The following PDE4D variants were observed in gnomAD, a reference collection of about 807,000 sequenced individuals.
PDE4D encodes phosphodiesterase 4D, also known as 3',5'-cyclic-AMP phosphodiesterase 4D.
In PDE4D, 24 loss-of-function variants were observed where a neutral mutation model predicts 87.4. That is an observed-to-expected ratio of 0.27 (90% CI 0.20 to 0.39). The LOEUF (loss-of-function observed/expected upper bound fraction) is 0.39, where lower values mean the gene tolerates loss of function less well. Among genes scored for constraint, PDE4D ranks in the 10% least tolerant of loss-of-function variants. PDE4D has a pLI of 1.00. For synonymous variants in PDE4D, 384 were observed against 383.2 expected (o/e 1.00, Z -0.02); for missense variants, 714 against 1,041.0 (o/e 0.69, Z 4.32).
chr5:60,001,500 G>C (rs919719666), intron 2 of PDE4D, among the ~76,000 whole-genome samples: 6 of 152,060 alleles, frequency 3.9e-5, no homozygotes, highest in African/African-American at 1.4e-4. Flanking sequence ...ATACTAATGT[G>C]ATTCTTCAAG....
chr5:59,445,830 A>T (rs1037946106), intron 1 of PDE4D, among the ~76,000 whole-genome samples: 4 of 152,308 alleles, frequency 2.6e-5, no homozygotes, highest in African/African-American at 9.6e-5. Flanking sequence ...TCTGCCTCAC[A>T]ATATAATTTC....
chr5:59,401,474 A>ATCTGTCTGTCTG (rs201224024), intron 1 of PDE4D, among the ~76,000 whole-genome samples: 1,319 of 65,986 alleles, frequency 0.02, 16 homozygotes, highest in Admixed American at 0.024. Context: ...CTATCTATCT[A>ATCTGTCTGTCTG]TCTATCTATC....
At chr5:59,631,208 C>A (rs1247589554) in intron 1 of PDE4D, among the ~76,000 whole-genome samples, 1 of 152,040 alleles carries the variant, frequency 6.6e-6, no homozygotes. Flanking sequence ...TGCCATCTTC[C>A]AGAAGAGGCA....
chr5:59,080,551 C>T (rs755855148), intron 5 of PDE4D, among the ~76,000 whole-genome samples: 1 of 152,090 alleles, frequency 6.6e-6, no homozygotes, highest in Non-Finnish European at 1.5e-5. Flanking sequence ...TCTTGCCACT[C>T]GCTACTCAAA....
At chr5:59,851,795 G>A (rs772629672) in intron 1 of PDE4D, among the ~76,000 whole-genome samples, 20 of 151,906 alleles carry the variant, frequency 1.3e-4, no homozygotes, top group Non-Finnish European at 2.6e-4. Flanking sequence ...AGAATGGCAG[G>A]TGGTCTCTAG....
At chr5:59,358,174 G>T (rs1781681519) in intron 1 of PDE4D, among the ~76,000 whole-genome samples, 1 of 152,182 alleles carries the variant, frequency 6.6e-6, no homozygotes, top group South Asian at 2.1e-4. Context: ...TCTTAAGAAT[G>T]CTACAGGTTT....
intron 1 of PDE4D, among the ~76,000 whole-genome samples, chr5:59,431,973 G>A (rs1796173612): frequency 1.3e-5 from 2 of 151,916 alleles, no homozygotes; most frequent in Non-Finnish European, 2.9e-5. Flanking sequence ...CTTTTTTATG[G>A]CTGCATAGTA....
chr5:59,496,912 A>G (rs1807322084), intron 1 of PDE4D, among the ~76,000 whole-genome samples: 1 of 152,146 alleles, frequency 6.6e-6, no homozygotes, highest in South Asian at 2.1e-4. Context: ...GGCACTTTGC[A>G]GACTTTTCCA....
chr5:59,324,434 C>G (rs963442439), intron 1 of PDE4D, among the ~76,000 whole-genome samples: 1 of 152,084 alleles, frequency 6.6e-6, no homozygotes, highest in African/African-American at 2.4e-5. Context: ...CATGAAAGTA[C>G]GATTTCCAAG....
chr5:59,368,334 TG>T (rs1783410854), intron 1 of PDE4D, among the ~76,000 whole-genome samples: 1 of 152,228 alleles, frequency 6.6e-6, no homozygotes, highest in African/African-American at 2.4e-5. Context: ...AATTGAAAAT[TG>T]GGGACTACAT....
At chr5:59,889,255 T>C (rs1413721637) in intron 1 of PDE4D, among the ~76,000 whole-genome samples, 10 of 141,034 alleles carry the variant, frequency 7.1e-5, no homozygotes, top group Admixed American at 5.7e-4. Flanking sequence ...AAAAAGCTAA[T>C]GTCAAGTAAA....
At chr5:59,888,804 T>A (rs1750530843) in intron 1 of PDE4D, among the ~76,000 whole-genome samples, 1 of 152,038 alleles carries the variant, frequency 6.6e-6, no homozygotes, top group Non-Finnish European at 1.5e-5. Flanking sequence ...ACTAATAACC[T>A]GAAAAATCAA....
chr5:59,443,514 T>C (rs1172645769), intron 1 of PDE4D, among the ~76,000 whole-genome samples: 2 of 152,180 alleles, frequency 1.3e-5, no homozygotes, highest in Non-Finnish European at 2.9e-5. Context: ...TTTCCAATAC[T>C]GGAAAATCAA....
At chr5:59,305,105 T>G (rs1345372543) in intron 1 of PDE4D, among the ~76,000 whole-genome samples, 4 of 152,156 alleles carry the variant, frequency 2.6e-5, no homozygotes, top group Admixed American at 2.6e-4. Context: ...ATCTAATTCT[T>G]CCTGATTTAA....
intron 1 of PDE4D, among the ~76,000 whole-genome samples, chr5:59,315,783 A>G (rs1022054529): frequency 6.6e-6 from 1 of 152,170 alleles, no homozygotes; most frequent in Non-Finnish European, 1.5e-5. Flanking sequence ...TTGCCCAAAG[A>G]GTACATGTGC....
chr5:59,666,943 G>A (rs994588955), intron 1 of PDE4D, among the ~76,000 whole-genome samples: 1 of 152,094 alleles, frequency 6.6e-6, no homozygotes, highest in Non-Finnish European at 1.5e-5. Context: ...TCTGATTACA[G>A]GCACTAGGCT....
chr5:59,046,802 G>T (rs886365425), intron 5 of PDE4D, among the ~76,000 whole-genome samples: 2 of 152,156 alleles, frequency 1.3e-5, no homozygotes, highest in African/African-American at 4.8e-5. Context: ...AGAATAAGGA[G>T]GCCTTTTGTC....
chr5:60,026,753 G>A (rs569482104), intron 2 of PDE4D, among the ~76,000 whole-genome samples: 23 of 152,222 alleles, frequency 1.5e-4, no homozygotes, highest in Middle Eastern at 6.8e-3. Context: ...AAATCAGATC[G>A]TTTAATCTTC....
At chr5:59,442,753 G>A (rs1797828416) in intron 1 of PDE4D, among the ~76,000 whole-genome samples, 1 of 152,144 alleles carries the variant, frequency 6.6e-6, no homozygotes, top group Non-Finnish European at 1.5e-5. Flanking sequence ...TAAGCACTGG[G>A]TTCTTGTTGG....
Sources: gnomAD v4.1 joint callset for allele counts (sites outside exome capture counted in the v4.1 genomes callset) on GRCh38, gnomAD v4.1.1 for gene constraint, MANE v1.5 for transcripts, NCBI Gene and HGNC (gene_info 2026-07-23, HGNC 2026-07-21) for gene names.